SETBP1: variants seen among roughly 807,000 people sequenced by gnomAD.
SETBP1 encodes the protein SET-binding protein.
In SETBP1, 9 loss-of-function variants were observed where a neutral mutation model predicts 101.0. The ratio of observed to expected loss-of-function variants is 0.09; its 90% CI spans 0.05 to 0.16. SETBP1 has a LOEUF of 0.16. Among genes scored for constraint, SETBP1 ranks in the 10% least tolerant of loss-of-function variants. SETBP1 has a pLI of 1.00. For synonymous variants in SETBP1, 818 were observed against 788.5 expected, an observed-to-expected ratio of 1.04 and a Z score of -0.63; for missense variants, 1,858 against 2,033.8, an observed-to-expected ratio of 0.91 and a Z score of 1.66.
chr18:44,770,435 A>T (rs1599102077), intron 2 of SETBP1, among the ~76,000 whole-genome samples: 1 of 152,086 alleles, frequency 6.6e-6, no homozygotes, highest in African/African-American at 2.4e-5. Flanking sequence ...TATTTGGTTT[A>T]TTTTTAACCT....
chr18:45,038,371 A>T, intron 4 of SETBP1, 114 bp from the exon 5 acceptor site: 1 of 950,400 alleles, frequency 1.1e-6, no homozygotes, highest in African/African-American at 1.6e-5. Context: ...TTGTTGTACC[A>T]GAAGGAGGTG....
At chr18:44,787,823 C>T (rs1278628571) in intron 2 of SETBP1, among the ~76,000 whole-genome samples, 12 of 101,628 alleles carry the variant, frequency 1.2e-4, no homozygotes, top group African/African-American at 3.8e-4. Flanking sequence ...CACTGCAGTC[C>T]GCAGTCCGGC....
Position 45,067,729 on chromosome 18 carries a change from G to A in SETBP1, c.*4031G>A, listed in dbSNP as rs1362222578. The A allele has an allele frequency of 6.6e-6, 1 of 152,084 alleles. No homozygotes were observed. The highest frequency in any genetic ancestry group is 1.5e-5 in the Non-Finnish European group (1 of 68,042). 9.4% of individuals were successfully genotyped at this position (152,084 alleles called of 1,614,324 possible). A position where few individuals can be genotyped will look rare whatever the true frequency, so the allele number is the denominator to read the frequency against. ...AGGTCCTCTCTGCCTCTTGTTTCTT[G>A]GAGAGTTCACCCCACTGATGAGTCT... On this transcript the variant is annotated 3_prime_UTR_variant, in exon 6 of 6. Coordinates refer to ENST00000649279, the MANE Select transcript of SETBP1 (RefSeq NM_015559.3).
intron 2 of SETBP1, among the ~76,000 whole-genome samples, chr18:44,850,992 C>T (rs1677812684): frequency 6.6e-6 from 1 of 152,174 alleles, no homozygotes; most frequent in Non-Finnish European, 1.5e-5. Context: ...ATCAAAGACA[C>T]AGGATCTATT....
At chr18:45,039,665 G>A (rs1228915905) in intron 5 of SETBP1, among the ~76,000 whole-genome samples, 1 of 152,194 alleles carries the variant, frequency 6.6e-6, no homozygotes, top group African/African-American at 2.4e-5. Context: ...TAATGTAAAT[G>A]TGGCAAGCAC....
chr18:44,957,382 TA>T (rs35744138), intron 4 of SETBP1, among the ~76,000 whole-genome samples: 63,319 of 148,756 alleles, frequency 0.43, 13,503 homozygotes, highest in East Asian at 0.55. Flanking sequence ...ATCAGATAAT[TA>T]AAAAAAAAAA....
chr18:44,804,181 T>C (rs2071676456), intron 2 of SETBP1, among the ~76,000 whole-genome samples: 1 of 152,108 alleles, frequency 6.6e-6, no homozygotes, highest in Non-Finnish European at 1.5e-5. Flanking sequence ...ATCTCTTATG[T>C]CTTAAAGTGG....
At chr18:44,739,899 T>G (rs2070059372) in intron 2 of SETBP1, among the ~76,000 whole-genome samples, 1 of 152,212 alleles carries the variant, frequency 6.6e-6, no homozygotes, top group African/African-American at 2.4e-5. Context: ...CCATGTGACC[T>G]TCTATGAAGA....
intron 2 of SETBP1, among the ~76,000 whole-genome samples, chr18:44,713,607 T>C (rs1018822112): frequency 1.3e-5 from 2 of 152,192 alleles, no homozygotes; most frequent in Non-Finnish European, 2.9e-5. Flanking sequence ...CAGGGTATTG[T>C]AACCTCCTCT....
At position 44,952,945 on chromosome 18, in the gene SETBP1, A is replaced by G; in HGVS notation, c.3605A>G (p.Glu1202Gly). ...GACAAAGAGCTCCCGCTGGTGAGTG[A>G]GAAGAACAAGCATAAGGAGAAACAG... ...SADKELPLVS[E>G]KNKHKEKQKH... The change falls in exon 4 of 6, where the codon GAG becomes GGG. Residue 1202 changes from glutamate (E) to glycine (G), a missense_variant. Physicochemically the swap from Glu to Gly is moderately conservative, Grantham distance 98. Coordinates refer to ENST00000649279, the MANE Select transcript of SETBP1 (RefSeq NM_015559.3). 1 of 1,614,170 alleles carries G rather than the reference A, an allele frequency of 6.2e-7. No individual in the cohort carries two copies. Among genetic ancestry groups the G allele is most frequent in the Non-Finnish European group, 8.5e-7 (1 of 1,180,028 alleles).
chr18:45,026,268 TA>T (rs2073163147), intron 4 of SETBP1, among the ~76,000 whole-genome samples: 1 of 152,068 alleles, frequency 6.6e-6, no homozygotes, highest in Non-Finnish European at 1.5e-5. Context: ...ACACCAGGAG[TA>T]AAAGAAGACT....
intron 2 of SETBP1, among the ~76,000 whole-genome samples, chr18:44,765,544 C>A (rs1043994995): frequency 6.6e-5 from 10 of 152,140 alleles, no homozygotes; most frequent in Non-Finnish European, 1.5e-4. Flanking sequence ...GAAATGGTAT[C>A]CAGGCTACGG....
At chr18:44,899,125 G>A (rs544081851) in intron 3 of SETBP1, among the ~76,000 whole-genome samples, 8 of 152,248 alleles carry the variant, frequency 5.3e-5, no homozygotes, top group African/African-American at 1.9e-4. Flanking sequence ...TCCTTTTGTA[G>A]AGTTAAAACA....
At chr18:45,045,457 C>G (rs930818769) in intron 5 of SETBP1, among the ~76,000 whole-genome samples, 1 of 151,116 alleles carries the variant, frequency 6.6e-6, no homozygotes, top group Non-Finnish European at 1.5e-5. Context: ...TGGCAGATTC[C>G]AAGCCTTTAA....
At chr18:44,772,628 A>G (rs2070898600) in intron 2 of SETBP1, among the ~76,000 whole-genome samples, 1 of 152,160 alleles carries the variant, frequency 6.6e-6, no homozygotes, top group Admixed American at 6.5e-5. Flanking sequence ...CTCCCAAGTA[A>G]TTATGTGCCG....
intron 3 of SETBP1, among the ~76,000 whole-genome samples, chr18:44,890,337 G>A (rs568275110): frequency 2.6e-5 from 4 of 152,122 alleles, no homozygotes; most frequent in South Asian, 4.2e-4. Flanking sequence ...GGACAAGAAC[G>A]ACATTGTGAA....
intron 5 of SETBP1, among the ~76,000 whole-genome samples, chr18:45,062,263 T>C (rs2073902295): frequency 6.6e-6 from 1 of 152,158 alleles, no homozygotes; most frequent in South Asian, 2.1e-4. Flanking sequence ...CAACAGGACA[T>C]GAAAAGAGCT....
chr18:45,024,186 T>TAA (rs2073122310), intron 4 of SETBP1, among the ~76,000 whole-genome samples: 1 of 152,192 alleles, frequency 6.6e-6, no homozygotes, highest in Admixed American at 6.5e-5. Flanking sequence ...TCTTGTGTCT[T>TAA]GAGACAGGCA....
At chr18:45,058,528 A>G (rs937216476) in intron 5 of SETBP1, among the ~76,000 whole-genome samples, 6 of 152,202 alleles carry the variant, frequency 3.9e-5, no homozygotes, top group Non-Finnish European at 8.8e-5. Flanking sequence ...CAGCCATCCA[A>G]TGTAACAGAT....
Sources: gnomAD v4.1 joint callset for allele counts (sites outside exome capture counted in the v4.1 genomes callset) on GRCh38, gnomAD v4.1.1 for gene constraint, MANE v1.5 for transcripts, NCBI Gene and HGNC (gene_info 2026-07-23, HGNC 2026-07-21) for gene names.